The following BSPRY variants were observed in gnomAD, a reference collection of about 807,000 sequenced individuals.
BSPRY encodes B-box and SPRY domain containing.
Under a neutral mutation model 38.0 loss-of-function variants are expected in BSPRY, and 33 were observed. The ratio of observed to expected loss-of-function variants is 0.87; its 90% CI spans 0.66 to 1.16. BSPRY has a LOEUF of 1.16. Among genes scored for constraint, BSPRY ranks in the 50% most tolerant of loss-of-function variants. The pLI, the probability that BSPRY is intolerant of heterozygous loss-of-function variation, is 0.00. For missense variants in BSPRY, 523 were observed against 533.2 expected (o/e 0.98, Z 0.19); for synonymous variants, 224 against 228.5 (o/e 0.98, Z 0.18).
At chr9:113,353,720 A>AT (rs1208338653) in intron 1 of BSPRY, among the ~76,000 whole-genome samples, 17 of 152,164 alleles carry the variant, frequency 1.1e-4, no homozygotes, top group South Asian at 4.2e-4. Context: ...AAATAAATAA[A>AT]AAAAAATAAA....
At chr9:113,358,036 C>T (rs953942147) in intron 2 of BSPRY, among the ~76,000 whole-genome samples, 7 of 148,180 alleles carry the variant, frequency 4.7e-5, no homozygotes, top group African/African-American at 1.7e-4. Flanking sequence ...TCACTTGAAC[C>T]CAGGAGTTCG....
intron 1 of BSPRY, among the ~76,000 whole-genome samples, 182 bp downstream of exon 1, chr9:113,349,962 C>G (rs761862269): frequency 4.8e-4 from 73 of 152,208 alleles, no homozygotes; most frequent in Non-Finnish European, 8.8e-4. Flanking sequence ...TGAAGTCAGG[C>G]TGGCCTGAGT....
Position 113,368,373 on chromosome 9 carries a change from GTC to G in BSPRY, c.679_680del (p.Ser227ArgfsTer9). ...AACTCTGGGCAACGGCGGTTCTTGG[GTC>G]TCTCTCAGGTTAGGAGCAGTAGAGC... ...TQLWATAVLG[S>X]LSGTEDIRID... On this transcript the variant is annotated frameshift_variant, in exon 5 of 6. Coordinates refer to ENST00000374183, the MANE Select transcript of BSPRY (RefSeq NM_017688.3). LOFTEE classifies it high-confidence loss of function. 2 of 1,614,086 alleles carry G rather than the reference GTC, an allele frequency of 1.2e-6. No individual in the cohort carries two copies. The highest frequency in any genetic ancestry group is 8.5e-7 in the Non-Finnish European group (1 of 1,180,014).
intron 4 of BSPRY, among the ~76,000 whole-genome samples, chr9:113,363,570 G>A (rs887388909): frequency 2.6e-5 from 4 of 152,028 alleles, no homozygotes; most frequent in Non-Finnish European, 5.9e-5. Flanking sequence ...GGTATGTGGC[G>A]GTTTTTTGGT....
rs746846947 is a variant in BSPRY at position 113,349,752 on chromosome 9, G to C, written c.173G>C (p.Arg58Pro). 1.9e-5 allele frequency: 23 copies of C among 1,235,280 alleles called. 1 individual carries two copies. The highest frequency in any genetic ancestry group is 4.3e-5 in the Admixed American group (1 of 23,138). The allele number at this position is 1,235,280 out of a possible 1,614,324, so 76.5% of individuals were successfully genotyped here. The change falls in exon 1 of 6, where the codon CGG becomes CCG. Residue 58 changes from arginine to proline, a missense_variant. Physicochemically the swap from Arg to Pro is moderately radical, Grantham distance 103. Transcript: ENST00000374183. ...GGRCRGHRIR[R>P]AEERAEELRN... ...CGCTGCCGGGGGCACCGCATCCGCC[G>C]GGCGGAGGAGCGCGCCGAGGAGCTG... is the stretch of plus-strand genomic sequence containing the variant.
Position 113,370,134 on chromosome 9 carries a change from G to A in BSPRY, c.1201G>A (p.Val401Ile), listed in dbSNP as rs754582771. 1.5e-5 allele frequency: 24 copies of A among 1,565,568 alleles called. No homozygotes were observed. Among genetic ancestry groups the A allele is most frequent in the African/African-American group, 4.1e-5 (3 of 73,500 alleles). Residue 401 changes from valine (V) to isoleucine (I), a missense_variant, in exon 6 of 6, where the codon GTC becomes ATC. By Grantham distance (29) the Val-to-Ile change is conservative. Coordinates refer to ENST00000374183, the MANE Select transcript of BSPRY (RefSeq NM_017688.3). This position sits in a 1 kb window ranked among gnomAD's most constrained non-coding sequence, Gnocchi z 4.8. The stretch of plus-strand genomic sequence containing the variant: ...TGTGGCCGATCAGACCATTTCTATC[G>A]TCCGCTGACCTCTGGCCACAGGAAG... ...FAVADQTISIVR is the reference protein window; with the variant it reads ...FAVADQTISIIR
intron 1 of BSPRY, among the ~76,000 whole-genome samples, chr9:113,352,107 G>A (rs1202281004): frequency 2.0e-5 from 3 of 152,062 alleles, no homozygotes; most frequent in African/African-American, 7.2e-5. Context: ...CACCGTGCCC[G>A]GCCAGCTTTC....
chr9:113,365,804 T>TC (rs1834240335), intron 4 of BSPRY, among the ~76,000 whole-genome samples: 1 of 140,902 alleles, frequency 7.1e-6, no homozygotes, highest in South Asian at 2.3e-4. Flanking sequence ...CACAGCTTCT[T>TC]TTTTTTTTTT....
At chr9:113,365,051 T>A (rs1228626532) in intron 4 of BSPRY, among the ~76,000 whole-genome samples, 1 of 152,046 alleles carries the variant, frequency 6.6e-6, no homozygotes, top group Non-Finnish European at 1.5e-5. Context: ...ATTCAAGTTA[T>A]ACATTTTTAG....
At position 113,370,573 on chromosome 9, in the gene BSPRY, A is replaced by G. The variant is rs116067698; in HGVS notation, c.*431A>G. ...CCTTAGTCTCCCAAATCCACCATGC[A>G]TCTGCCCCTCTGAGGGTGTCTTCAC... is the stretch of plus-strand genomic sequence containing the variant. On this transcript the variant is annotated 3_prime_UTR_variant, in exon 6 of 6. Transcript: ENST00000374183. This position sits in a 1 kb window ranked among gnomAD's most constrained non-coding sequence, Gnocchi z 4.8. 7.6e-3 allele frequency: 1,173 copies of G among 155,260 alleles called. 15 individuals carry two copies. The highest frequency in any genetic ancestry group is 0.027 in the African/African-American group (1,108 of 41,660). The allele number at this position is 155,260 out of a possible 1,614,324, so 9.6% of individuals were successfully genotyped here.
At chr9:113,355,277 T>C (rs1158743824) in intron 2 of BSPRY, among the ~76,000 whole-genome samples, 2 of 152,216 alleles carry the variant, frequency 1.3e-5, no homozygotes, top group East Asian at 3.8e-4. Flanking sequence ...CTCCTTTCCC[T>C]ATAGTACACG....
Position 113,349,594 on chromosome 9 carries a change from C to T in BSPRY, c.15C>T (p.Gly5=). ...GGCGCACGGCCATGTCCGCCGAGGG[C>T]GCGGAGCCGGGGCCGGGGTCCGGGT... MSAE[G]AEPGPGSGSG... is the part of the protein sequence containing the mutation. The change falls in exon 1 of 6, where the codon GGC becomes GGT. Residue 5 remains glycine (G), a synonymous_variant. Coordinates refer to ENST00000374183, the MANE Select transcript of BSPRY (RefSeq NM_017688.3). The T allele has an allele frequency of 1.7e-6, 2 of 1,178,478 alleles. No homozygotes were observed. Among genetic ancestry groups the T allele is most frequent in the Non-Finnish European group, 2.1e-6 (2 of 954,380 alleles). 73.0% of individuals were successfully genotyped at this position (1,178,478 alleles called of 1,614,324 possible).
intron 2 of BSPRY, among the ~76,000 whole-genome samples, chr9:113,358,912 C>G (rs1222682481): frequency 6.6e-6 from 1 of 152,114 alleles, no homozygotes; most frequent in Non-Finnish European, 1.5e-5. Flanking sequence ...ACTGTAATCC[C>G]AGCACTTTGG....
intron 4 of BSPRY, 48 bp from the exon 5 acceptor site, chr9:113,368,211 A>T: frequency 6.2e-7 from 1 of 1,604,892 alleles, no homozygotes; most frequent in East Asian, 2.2e-5. Flanking sequence ...ATCCAGATAT[A>T]TTTCCAGAAC....
chr9:113,360,892 G>C (rs958221134), intron 3 of BSPRY, among the ~76,000 whole-genome samples, 155 bp downstream of exon 3: 4 of 152,210 alleles, frequency 2.6e-5, no homozygotes, highest in African/African-American at 9.6e-5. Flanking sequence ...CTTTAGTCAG[G>C]CTTCTGAGCC....
chr9:113,357,962 T>C (rs180684858), intron 2 of BSPRY, among the ~76,000 whole-genome samples: 4 of 139,584 alleles, frequency 2.9e-5, no homozygotes, highest in East Asian at 2.2e-4. Flanking sequence ...AGCTTATTCA[T>C]TGGGCTGAGC....
chr9:113,353,842 C>T (rs2118905478), intron 1 of BSPRY, among the ~76,000 whole-genome samples: 1 of 152,288 alleles, frequency 6.6e-6, no homozygotes, highest in East Asian at 1.9e-4. Context: ...TTAAATGTTT[C>T]TAAATAATAT....
intron 3 of BSPRY, among the ~76,000 whole-genome samples, 185 bp from the exon 4 acceptor site, chr9:113,362,174 GGTGTGTGTGT>G (rs10600721): frequency 3.3e-4 from 47 of 141,246 alleles, no homozygotes; most frequent in African/African-American, 8.8e-4. Flanking sequence ...ATGTGTTATG[GGTGTGTGTGT>G]GTGTGTGTGT....
At chr9:113,351,758 A>C (rs1833975710) in intron 1 of BSPRY, among the ~76,000 whole-genome samples, 1 of 151,994 alleles carries the variant, frequency 6.6e-6, no homozygotes, top group African/African-American at 2.4e-5. Context: ...TTTGGGCCTC[A>C]GCTTTCCCGT....
Sources: gnomAD v4.1 joint callset for allele counts (sites outside exome capture counted in the v4.1 genomes callset) on GRCh38, gnomAD v4.1.1 for gene constraint, Gnocchi (gnomAD v3.1) non-coding constraint, MANE v1.5 for transcripts, NCBI Gene and HGNC (gene_info 2026-07-23, HGNC 2026-07-21) for gene names.